Variants in USP7 observed in about 807,000 individuals in gnomAD.
USP7 encodes ubiquitin C-terminal hydrolase 7.
In USP7, 9 loss-of-function variants were observed where a neutral mutation model predicts 162.9. That is an observed-to-expected ratio of 0.06 (90% CI 0.03 to 0.10). USP7 has a LOEUF of 0.10. Ranked by LOEUF, USP7 falls within the 10% of genes least tolerant of loss-of-function variation. USP7 has a pLI of 1.00. For synonymous variants in USP7, 562 were observed against 475.9 expected, an observed-to-expected ratio of 1.18 and a Z score of -2.35; for missense variants, 715 against 1,373.7, an observed-to-expected ratio of 0.52 and a Z score of 7.58.
chr16:8,930,772 C>T (rs763089489), intron 1 of USP7, among the ~76,000 whole-genome samples: 4 of 152,126 alleles, frequency 2.6e-5, no homozygotes, highest in Non-Finnish European at 5.9e-5. Flanking sequence ...AGTTCGAGAC[C>T]AGGCTGGCCA....
intron 18 of USP7, 169 bp downstream of exon 18, chr16:8,901,913 G>A (rs1469233986): frequency 4.7e-6 from 3 of 639,134 alleles, no homozygotes; most frequent in Non-Finnish European, 8.0e-6. Flanking sequence ...GAAACTCGCA[G>A]CCAAGTCAGT....
chr16:8,957,906 C>A (rs760306013), intron 1 of USP7, among the ~76,000 whole-genome samples: 3 of 151,896 alleles, frequency 2.0e-5, no homozygotes, highest in Non-Finnish European at 2.9e-5. Context: ...CCAAAAGGAT[C>A]AAAAAAACAC....
At chr16:8,934,056 C>G (rs1156645579) in intron 1 of USP7, among the ~76,000 whole-genome samples, 4 of 152,206 alleles carry the variant, frequency 2.6e-5, no homozygotes, top group African/African-American at 9.7e-5. Flanking sequence ...CCACGCCTGG[C>G]CTATAAATCT....
intron 5 of USP7, among the ~76,000 whole-genome samples, chr16:8,919,952 G>A (rs573266174): frequency 7.2e-5 from 11 of 152,260 alleles, no homozygotes; most frequent in African/African-American, 2.6e-4. Flanking sequence ...CACCATGTTA[G>A]TTGTCGGTGA....
intron 1 of USP7, among the ~76,000 whole-genome samples, chr16:8,943,175 T>A (rs1024049248): frequency 1.3e-5 from 2 of 152,128 alleles, no homozygotes; most frequent in African/African-American, 4.8e-5. Context: ...AGCTTTCAGT[T>A]TAGCTTCATT....
intron 26 of USP7, 96 bp from the exon 27 acceptor site, chr16:8,895,837 A>G (rs966239122): frequency 4.1e-6 from 3 of 734,812 alleles, no homozygotes. Context: ...TTACCACGAT[A>G]TGTTTTTTTT....
Position 8,936,721 on chromosome 16 carries a change from T to C in USP7, c.80-6324A>G, listed in dbSNP as rs781188940. The C allele has an allele frequency of 4.2e-6, 6 of 1,412,502 alleles. No homozygotes were observed. In the East Asian group the frequency reaches 1.7e-4, roughly 39 times the overall value. 87.5% of individuals were successfully genotyped at this position (1,412,502 alleles called of 1,614,324 possible). On this transcript the variant is annotated intron_variant, in intron 1 of 30. Coordinates refer to ENST00000344836, the MANE Select transcript of USP7 (RefSeq NM_003470.3). ...AGGAGCTCTACCTCAGCATTCTTTTTTATTTTTTAAAGCATCCCACAGAAG... is the reference window on the plus strand; with the variant it reads ...AGGAGCTCTACCTCAGCATTCTTTTCTATTTTTTAAAGCATCCCACAGAAG...
Position 8,894,094 on chromosome 16 carries a change from A to G in USP7, c.3213T>C (p.Ser1071=), listed in dbSNP as rs567469324. The G allele has an allele frequency of 5.6e-6, 9 of 1,614,040 alleles. No individual in the cohort carries two copies. The highest frequency in any genetic ancestry group is 7.6e-6 in the Non-Finnish European group (9 of 1,180,014). Residue 1071 remains serine (S), a synonymous_variant, in exon 31 of 31, where the codon TCT becomes TCC. Coordinates refer to ENST00000344836, the MANE Select transcript of USP7 (RefSeq NM_003470.3). The part of the protein sequence containing the change: ...KDFEPQPGNM[S]HPRPWLGLDH... Reference sequence around the variant, plus strand: ...CGAGCCCTAGCCAAGGCCGAGGATGAGACATATTACCTGGTGGGGATGAAG... The same window carrying G: ...CGAGCCCTAGCCAAGGCCGAGGATGGGACATATTACCTGGTGGGGATGAAG...
intron 1 of USP7, among the ~76,000 whole-genome samples, chr16:8,942,297 T>C (rs1567241526): frequency 6.6e-6 from 1 of 152,210 alleles, no homozygotes; most frequent in African/African-American, 2.4e-5. Context: ...GGAGAGTCTG[T>C]CGGACCTGAG....
At chr16:8,900,747 G>T in intron 20 of USP7, 117 bp from the exon 21 acceptor site, 1 of 767,092 alleles carries the variant, frequency 1.3e-6, no homozygotes. Context: ...CACCTTTTAA[G>T]TTAAAATGTT....
At chr16:8,894,458 C>A in intron 30 of USP7, 92 bp downstream of exon 30, 2 of 1,295,114 alleles carry the variant, frequency 1.5e-6, no homozygotes, top group East Asian at 4.7e-5. Flanking sequence ...GAGGAGCTGG[C>A]ACTTGACCCT....
intron 1 of USP7, chr16:8,935,797 C>G (rs1251485970): frequency 1.3e-5 from 2 of 152,140 alleles, no homozygotes; most frequent in African/African-American, 2.4e-5. Context: ...GCCTATATTC[C>G]CACCTGCTCT....
At position 8,892,423 on chromosome 16, in the gene USP7, A is replaced by G. The variant is rs2061611682; in HGVS notation, c.*1575T>C. 1 of 152,254 alleles carries G rather than the reference A, an allele frequency of 6.6e-6. No individual in the cohort carries two copies. Among genetic ancestry groups the G allele is most frequent in the Admixed American group, 6.5e-5 (1 of 15,280 alleles). 9.4% of individuals were successfully genotyped at this position (152,254 alleles called of 1,614,324 possible). On this transcript the variant is annotated 3_prime_UTR_variant, in exon 31 of 31. Transcript: ENST00000344836. ...TACACACTGGCCCAAAGACCAGGAA[A>G]CCGTGCCACGGAGCTGGAAGGCAAG...
intron 2 of USP7, among the ~76,000 whole-genome samples, chr16:8,928,678 C>A (rs1898149485): frequency 6.6e-6 from 1 of 152,144 alleles, no homozygotes. Context: ...ACCACAGTTC[C>A]AAACCAAGGA....
chr16:8,921,431 G>A (rs908121353), intron 3 of USP7, 136 bp from the exon 4 acceptor site: 4 of 1,000,696 alleles, frequency 4.0e-6, no homozygotes, highest in East Asian at 2.6e-5. Context: ...GGGGTTAAAG[G>A]TAGGATGGAG....
At chr16:8,895,457 G>T (rs775080697) in intron 27 of USP7, among the ~76,000 whole-genome samples, 185 bp downstream of exon 27, 1 of 152,188 alleles carries the variant, frequency 6.6e-6, no homozygotes, top group Non-Finnish European at 1.5e-5. Context: ...GATTGGGTTG[G>T]TAACCCAAAC....
intron 1 of USP7, among the ~76,000 whole-genome samples, chr16:8,934,292 C>A (rs1246062012): frequency 6.6e-6 from 1 of 152,098 alleles, no homozygotes; most frequent in Admixed American, 6.5e-5. Context: ...TTCTGAGGTA[C>A]AGGTTATGGT....
chr16:8,911,276 T>A (rs2141191678), intron 10 of USP7, among the ~76,000 whole-genome samples: 1 of 152,190 alleles, frequency 6.6e-6, no homozygotes, highest in South Asian at 2.1e-4. Flanking sequence ...TCCTGACATC[T>A]CCCCACCCCC....
intron 16 of USP7, among the ~76,000 whole-genome samples, chr16:8,902,758 G>C (rs538800614): frequency 6.6e-6 from 1 of 151,950 alleles, no homozygotes; most frequent in African/African-American, 2.4e-5. Context: ...CCTGGTGACG[G>C]GTGCCTGTAA....
Sources: gnomAD v4.1 joint callset for allele counts (sites outside exome capture counted in the v4.1 genomes callset) on GRCh38, gnomAD v4.1.1 for gene constraint, MANE v1.5 for transcripts, NCBI Gene and HGNC (gene_info 2026-07-23, HGNC 2026-07-21) for gene names.